Variants in RALGPS1 observed in about 807,000 individuals in gnomAD.
RALGPS1 encodes Ral GEF with PH domain and SH3 binding motif 1.
In RALGPS1, 19 loss-of-function variants were observed where a neutral mutation model predicts 78.8. The observed-to-expected ratio is 0.24, with a 90% CI of 0.17 to 0.35. RALGPS1 has a LOEUF of 0.35. Among genes scored for constraint, RALGPS1 ranks in the 10% least tolerant of loss-of-function variants. RALGPS1 has a pLI of 1.00. For synonymous variants in RALGPS1, 228 were observed against 256.3 expected, an observed-to-expected ratio of 0.89 and a Z score of 1.06; for missense variants, 454 against 688.3, an observed-to-expected ratio of 0.66 and a Z score of 3.81.
At chr9:127,134,912 C>A (rs575987939) in intron 8 of RALGPS1, among the ~76,000 whole-genome samples, 2 of 152,184 alleles carry the variant, frequency 1.3e-5, no homozygotes, top group African/African-American at 2.4e-5. Flanking sequence ...TTCTCCACCC[C>A]CTCTCCGGCC....
intron 8 of RALGPS1, among the ~76,000 whole-genome samples, chr9:127,155,807 G>A (rs1349953175): frequency 6.6e-6 from 1 of 151,982 alleles, no homozygotes; most frequent in African/African-American, 2.4e-5. Context: ...GAGAACGCTC[G>A]GAAATTCTTG....
At chr9:127,201,386 C>A (rs2061623731) in intron 14 of RALGPS1, among the ~76,000 whole-genome samples, 1 of 152,218 alleles carries the variant, frequency 6.6e-6, no homozygotes, top group Admixed American at 6.5e-5. Flanking sequence ...TGCCAGTGGG[C>A]CTGCGATGTC....
chr9:127,013,466 G>C (rs574154380), intron 4 of RALGPS1, among the ~76,000 whole-genome samples: 18 of 152,240 alleles, frequency 1.2e-4, no homozygotes, highest in African/African-American at 4.3e-4. Flanking sequence ...CCAGAAGCAT[G>C]GTGTCTGTTA....
chr9:127,210,563 T>G, intron 14 of RALGPS1: 1 of 652,270 alleles, frequency 1.5e-6, no homozygotes, highest in South Asian at 1.8e-5. Context: ...TGGGGAGGAG[T>G]TGGGGAGGGA....
chr9:126,993,530 GTT>G (rs75787809), intron 4 of RALGPS1, among the ~76,000 whole-genome samples: 2 of 142,628 alleles, frequency 1.4e-5, no homozygotes, highest in Admixed American at 7.0e-5. Flanking sequence ...TCTGTGGAAA[GTT>G]TTTTTTTTTT....
chr9:127,045,750 C>CACACACAT (rs1564475230), intron 5 of RALGPS1, among the ~76,000 whole-genome samples: 3 of 97,294 alleles, frequency 3.1e-5, no homozygotes, highest in East Asian at 3.3e-4. Flanking sequence ...CACACACACA[C>CACACACAT]ACACACACAC....
At chr9:127,123,088 C>T (rs902742299) in intron 8 of RALGPS1, among the ~76,000 whole-genome samples, 1 of 152,248 alleles carries the variant, frequency 6.6e-6, no homozygotes, top group South Asian at 2.1e-4. Flanking sequence ...TGGGCACTGC[C>T]CCACTGAGCC....
chr9:126,966,020 G>T, intron 3 of RALGPS1, 69 bp downstream of exon 3: 3 of 1,144,312 alleles, frequency 2.6e-6, no homozygotes, highest in Non-Finnish European at 4.0e-6. Context: ...CCACCACTTA[G>T]GCTTTGGGCT....
chr9:126,953,241 T>A (rs1230115743), intron 1 of RALGPS1, among the ~76,000 whole-genome samples: 2 of 152,128 alleles, frequency 1.3e-5, no homozygotes, highest in Non-Finnish European at 2.9e-5. Flanking sequence ...GATGTGGGAT[T>A]GTACTGTGGT....
rs534033119 is a variant in RALGPS1, at chr9:127,211,551, A to G, written c.1248-580A>G. On this transcript the variant is annotated intron_variant, in intron 14 of 18. Coordinates refer to ENST00000259351, the MANE Select transcript of RALGPS1 (RefSeq NM_014636.3). The surrounding 1 kb of genome is among the most constrained non-coding windows in gnomAD (Gnocchi z 5.0). ...TGAGGCACCGGCAGATCCGGAGCTC[A>G]GGAGGGAGGTGTGGGCTGCCATGCC... Among the ~76,000 whole-genome samples the G allele has an allele frequency of 6.6e-6, 1 of 152,134 alleles. No homozygotes were observed. Among genetic ancestry groups the G allele is most frequent in the Non-Finnish European group, 1.5e-5 (1 of 68,006 alleles).
intron 8 of RALGPS1, among the ~76,000 whole-genome samples, chr9:127,138,354 G>C (rs2057539497): frequency 6.6e-6 from 1 of 152,174 alleles, no homozygotes; most frequent in Non-Finnish European, 1.5e-5. Context: ...AGAATGCCAG[G>C]TCCTGCTCAG....
At chr9:127,078,728 A>G (rs1055807171) in intron 8 of RALGPS1, among the ~76,000 whole-genome samples, 2 of 152,238 alleles carry the variant, frequency 1.3e-5, no homozygotes, top group African/African-American at 2.4e-5. Context: ...AAAACGAGGT[A>G]TGAGCATAAG....
At chr9:127,134,834 A>G (rs1290916807) in intron 8 of RALGPS1, among the ~76,000 whole-genome samples, 1 of 152,218 alleles carries the variant, frequency 6.6e-6, no homozygotes, top group East Asian at 1.9e-4. Context: ...GCTGAGAGTA[A>G]TCATTATAAT....
intron 8 of RALGPS1, among the ~76,000 whole-genome samples, chr9:127,123,081 G>T (rs1327091732): frequency 1.3e-5 from 2 of 152,254 alleles, no homozygotes. Context: ...GCCTCGTTGG[G>T]CACTGCCCCA....
chr9:127,120,827 CAAA>C (rs968011060), intron 8 of RALGPS1, among the ~76,000 whole-genome samples: 1 of 121,914 alleles, frequency 8.2e-6, no homozygotes, highest in Admixed American at 8.5e-5. Flanking sequence ...GACTCCATCT[CAAA>C]AAAAAAAAAA....
chr9:127,148,550 T>C (rs1486044904), intron 8 of RALGPS1, among the ~76,000 whole-genome samples: 1 of 152,240 alleles, frequency 6.6e-6, no homozygotes, highest in East Asian at 1.9e-4. Context: ...TTTGCTTATA[T>C]GACCTCACTT....
chr9:126,973,963 C>T (rs561825448), intron 3 of RALGPS1, among the ~76,000 whole-genome samples: 4 of 152,178 alleles, frequency 2.6e-5, no homozygotes, highest in African/African-American at 9.7e-5. Context: ...ACCCACTCCT[C>T]TCGGGTTCAA....
At chr9:127,215,012 G>A (rs373102836) in intron 18 of RALGPS1, among the ~76,000 whole-genome samples, 170 bp downstream of exon 18, 19 of 152,312 alleles carry the variant, frequency 1.2e-4, no homozygotes, top group African/African-American at 4.6e-4. Context: ...CCCTTGCTCA[G>A]CTTAGAACTA....
chr9:127,028,646 G>A (rs1025325870), intron 4 of RALGPS1, among the ~76,000 whole-genome samples: 4 of 152,146 alleles, frequency 2.6e-5, no homozygotes, highest in African/African-American at 9.7e-5. Context: ...TGCACCCACT[G>A]CTCAGCGCTG....
Sources: allele counts gnomAD v4.1 joint callset (sites outside exome capture counted in the v4.1 genomes callset), GRCh38; gene constraint gnomAD v4.1.1; non-coding constraint Gnocchi (gnomAD v3.1); transcripts MANE v1.5; gene names NCBI Gene and HGNC (gene_info 2026-07-23, HGNC 2026-07-21).